Variants in MTMR10 observed in about 807,000 individuals in gnomAD.
MTMR10 encodes the protein myotubularin related protein 10.
In MTMR10, 56 loss-of-function variants were observed where a neutral mutation model predicts 88.1. The ratio of observed to expected loss-of-function variants is 0.64; its 90% CI spans 0.51 to 0.79. MTMR10 has a LOEUF of 0.79. MTMR10 is among the 30% of genes least tolerant of loss of function. MTMR10 has a pLI of 0.00. For missense variants in MTMR10, 883 were observed against 924.7 expected (o/e 0.95, Z 0.58); for synonymous variants, 380 against 340.9 (o/e 1.11, Z -1.26).
chr15:30,991,266 G>A, intron 1 of MTMR10, 181 bp downstream of exon 1: 1 of 557,480 alleles, frequency 1.8e-6, no homozygotes, highest in Non-Finnish European at 2.9e-6. Flanking sequence ...ACAAGTTTTC[G>A]CCGAGCCAGT....
In MTMR10 at chr15:30,940,967, A is replaced by G; in HGVS notation, c.*503T>C. ...CCAAAGAAGGTGATCTAAAATCATA[A>G]ATTCTGGCCCCAGAACACTGAACCT... On this transcript the variant is annotated 3_prime_UTR_variant, in exon 16 of 16. Transcript: ENST00000435680. The G allele has an allele frequency of 9.1e-7, 1 of 1,097,162 alleles. No homozygotes were observed. The highest frequency in any genetic ancestry group is 1.7e-5 in the African/African-American group (1 of 59,516). 68.0% of individuals were successfully genotyped at this position (1,097,162 alleles called of 1,614,324 possible). A position where few individuals can be genotyped will look rare whatever the true frequency, so the allele number is the denominator to read the frequency against.
At chr15:30,979,426 T>C (rs1227327510) in intron 2 of MTMR10, among the ~76,000 whole-genome samples, 1 of 150,704 alleles carries the variant, frequency 6.6e-6, no homozygotes, top group Non-Finnish European at 1.5e-5. Context: ...CCAGGCGTGG[T>C]GGTGCGCCAG....
intron 14 of MTMR10, chr15:30,946,296 CA>C (rs1233546205): frequency 6.3e-6 from 1 of 157,770 alleles, no homozygotes; most frequent in Non-Finnish European, 1.4e-5. Flanking sequence ...TCACAGTTTA[CA>C]AAATGTTTCA....
intron 2 of MTMR10, 66 bp downstream of exon 2, chr15:30,990,711 C>A: frequency 7.5e-7 from 1 of 1,341,560 alleles, no homozygotes; most frequent in South Asian, 1.3e-5. Context: ...TGATACTAGT[C>A]GGCAGAATAA....
the MTMR10 span, chr15:30,926,785 T>G: frequency 2.0e-6 from 2 of 985,350 alleles, no homozygotes; most frequent in Non-Finnish European, 2.4e-6. Context: ...CTGAAATGCT[T>G]TCAGTTGAGC....
At chr15:30,957,600 G>A (rs1184640759) in intron 9 of MTMR10, among the ~76,000 whole-genome samples, 2 of 152,150 alleles carry the variant, frequency 1.3e-5, no homozygotes, top group African/African-American at 4.8e-5. Context: ...GTGGGTGCCT[G>A]TAATCCCAGC....
rs1351704337 is a variant in MTMR10, at chr15:30,938,946, T to C, written c.*2524A>G. ...ATTTCATACTGACAACAACAAACAGTCGCTGTGGAATTTTATTAAGCCATC... is the reference window on the plus strand; with the variant it reads ...ATTTCATACTGACAACAACAAACAGCCGCTGTGGAATTTTATTAAGCCATC... On this transcript the variant is annotated 3_prime_UTR_variant, in exon 16 of 16. Coordinates refer to ENST00000435680, the MANE Select transcript of MTMR10 (RefSeq NM_017762.3). 1 of 985,292 alleles carries C rather than the reference T, an allele frequency of 1.0e-6. No individual in the cohort carries two copies. Among genetic ancestry groups the C allele is most frequent in the Non-Finnish European group, 1.2e-6 (1 of 829,924 alleles). 61.0% of individuals were successfully genotyped at this position (985,292 alleles called of 1,614,324 possible).
At chr15:30,975,103 TAA>T in intron 3 of MTMR10, 100 bp from the exon 4 acceptor site, 4 of 906,048 alleles carry the variant, frequency 4.4e-6, no homozygotes, top group Non-Finnish European at 3.2e-6. Flanking sequence ...CAGTTATCTC[TAA>T]AAAGCACAAA....
the MTMR10 span, chr15:30,927,489 T>C: frequency 1.0e-6 from 1 of 985,642 alleles, no homozygotes; most frequent in Non-Finnish European, 1.2e-6. Flanking sequence ...CAGCACAGCC[T>C]CAGAAGTGCA....
rs150759494 is a variant in MTMR10 at position 30,971,050 on chromosome 15, T to C, written c.475-3040A>G. 7.2e-5 allele frequency among the ~76,000 whole-genome samples: 11 copies of C among 152,242 alleles called. No homozygotes were observed. The East Asian group carries it at 1.2e-3, about 16-fold the overall frequency. ...CTTGTGTACCTGGATTGTCTTCATG[T>C]TGTTACTGTGGAACACTCCGAGAAG... On this transcript the variant is annotated intron_variant, in intron 5 of 15. Coordinates refer to ENST00000435680, the MANE Select transcript of MTMR10 (RefSeq NM_017762.3).
chr15:30,991,576 C>CGAG lies in MTMR10; in HGVS notation c.-71_-70insCTC. 1.3e-6 allele frequency: 2 copies of CGAG among 1,503,186 alleles called. No homozygotes were observed. The highest frequency in any genetic ancestry group is 2.7e-5 in the East Asian group (1 of 36,786). The allele number at this position is 1,503,186 out of a possible 1,614,324, so 93.1% of individuals were successfully genotyped here. On this transcript the variant is annotated 5_prime_UTR_variant, in exon 1 of 16. Transcript: ENST00000435680. Reference sequence around the variant, plus strand: ...AGCGCCGACGCCTCCGGGCGTAAAGCTCTCAGTGCGGCCGCCCAGGCCCTT... The same window carrying CGAG: ...AGCGCCGACGCCTCCGGGCGTAAAGCGAGTCTCAGTGCGGCCGCCCAGGCCCTT...
intron 11 of MTMR10, among the ~76,000 whole-genome samples, chr15:30,953,172 TGAGAA>T (rs2063274821): frequency 1.3e-5 from 2 of 152,136 alleles, no homozygotes; most frequent in African/African-American, 4.8e-5. Context: ...CTATAGAGAT[TGAGAA>T]GAGATTAGTG....
At chr15:30,979,814 A>G (rs566685020) in intron 2 of MTMR10, among the ~76,000 whole-genome samples, 1 of 152,364 alleles carries the variant, frequency 6.6e-6, no homozygotes, top group East Asian at 1.9e-4. Context: ...GAGACAAAGA[A>G]GAGGAGGAGA....
chr15:30,944,289 C>T (rs546525381), intron 14 of MTMR10, among the ~76,000 whole-genome samples: 7 of 152,238 alleles, frequency 4.6e-5, no homozygotes, highest in South Asian at 4.2e-4. Context: ...TTTGGCCAGG[C>T]GCAGTGGTGA....
chr15:30,989,430 A>G (rs577051893), intron 2 of MTMR10, among the ~76,000 whole-genome samples: 4 of 152,162 alleles, frequency 2.6e-5, no homozygotes, highest in Non-Finnish European at 4.4e-5. Context: ...GGTGTTTTTA[A>G]TATTTTGTCC....
At position 30,939,557 on chromosome 15, in the gene MTMR10, T is replaced by C. The variant is rs116296754; in HGVS notation, c.*1913A>G. On this transcript the variant is annotated 3_prime_UTR_variant, in exon 16 of 16. Coordinates refer to ENST00000435680, the MANE Select transcript of MTMR10 (RefSeq NM_017762.3). ...AAAATAAAAGTATTTTACATTTGAT[T>C]ATCATACAAAAATATGCATTTTTCT... is the stretch of plus-strand genomic sequence containing the variant. The C allele has an allele frequency of 7.9e-4, 759 of 965,780 alleles. 7 individuals are homozygous for C. In the African/African-American group the frequency reaches 0.012, roughly 16 times the overall value. 59.8% of individuals were successfully genotyped at this position (965,780 alleles called of 1,614,324 possible). A position where few individuals can be genotyped will look rare whatever the true frequency, so the allele number is the denominator to read the frequency against.
intron 6 of MTMR10, among the ~76,000 whole-genome samples, chr15:30,962,592 C>T (rs1010604045): frequency 5.3e-5 from 8 of 152,224 alleles, no homozygotes; most frequent in Admixed American, 1.3e-4. Flanking sequence ...TGCAGCCATG[C>T]ACTACCCTCC....
At chr15:30,929,377 A>G in the MTMR10 span, 1 of 1,607,092 alleles carries the variant, frequency 6.2e-7, no homozygotes, top group Non-Finnish European at 8.5e-7. Flanking sequence ...GGATCGCTTC[A>G]CGTCTCTTCA....
chr15:30,947,795 A>G (rs1399163170), intron 13 of MTMR10, among the ~76,000 whole-genome samples: 2 of 152,122 alleles, frequency 1.3e-5, no homozygotes, highest in Non-Finnish European at 2.9e-5. Context: ...GAGACACCAC[A>G]AGTCAAATGG....
Sources: allele counts gnomAD v4.1 joint callset (sites outside exome capture counted in the v4.1 genomes callset), GRCh38; gene constraint gnomAD v4.1.1; transcripts MANE v1.5; gene names NCBI Gene and HGNC (gene_info 2026-07-23, HGNC 2026-07-21).